CREB3L2: variants seen among roughly 807,000 people sequenced by gnomAD.
The protein encoded by CREB3L2 is cyclic AMP-responsive element-binding protein 3-like protein 2.
CREB3L2 carries 23 observed loss-of-function variants against 57.2 expected under a neutral mutation model. The ratio of observed to expected loss-of-function variants is 0.40; its 90% CI spans 0.29 to 0.57. The LOEUF is 0.57. Among genes scored for constraint, CREB3L2 ranks in the 20% least tolerant of loss-of-function variants. The pLI is 0.42. For missense variants in CREB3L2, 628 were observed against 634.7 expected, an observed-to-expected ratio of 0.99 and a Z score of 0.11; for synonymous variants, 268 against 265.1, an observed-to-expected ratio of 1.01 and a Z score of -0.11.
Position 137,879,664 on chromosome 7 carries a change from A to C in CREB3L2, c.*812T>G. 1 of 239,868 alleles carries C rather than the reference A, an allele frequency of 4.2e-6. No homozygotes were observed. The allele number at this position is 239,868 out of a possible 1,614,324, so 14.9% of individuals were successfully genotyped here. ...TGCCCTCCTAGCTCTGAAGGCTCGC[A>C]GAAAACTTGGCTAGCTTGAAAGGAG... is the stretch of plus-strand genomic sequence containing the variant. On this transcript the variant is annotated 3_prime_UTR_variant, in exon 12 of 12. Coordinates refer to ENST00000330387, the MANE Select transcript of CREB3L2 (RefSeq NM_194071.4).
intron 1 of CREB3L2, chr7:137,933,685 A>T (rs12533090): frequency 0.091 from 13,872 of 152,240 alleles, 932 homozygotes; most frequent in Admixed American, 0.22. Context: ...ACCCACCCAC[A>T]CCCAAGAATT....
chr7:137,989,308 G>C (rs1287143419), intron 1 of CREB3L2, among the ~76,000 whole-genome samples: 2 of 152,044 alleles, frequency 1.3e-5, no homozygotes, highest in Non-Finnish European at 2.9e-5. Context: ...TAACATGCTA[G>C]TAAGTCCTCA....
Position 137,880,479 on chromosome 7 carries a change from G to C in CREB3L2, c.1560C>G (p.Phe520Leu). ...GGAGGGGGTGCAGGCAGCCTCTTTA[G>C]AAAGTGGTGTTCACTCTTCTGTCGA... ...VELDRRVNTT[F>L] The change falls in exon 12 of 12, where the codon TTC becomes TTG. Residue 520 changes from phenylalanine (F) to leucine (L), a missense_variant. Phe to Leu is a conservative substitution (Grantham distance 22, BLOSUM62 0). Coordinates refer to ENST00000330387, the MANE Select transcript of CREB3L2 (RefSeq NM_194071.4). The surrounding 1 kb of genome is among the most constrained non-coding windows in gnomAD (Gnocchi z 4.0). 6.2e-7 allele frequency: 1 copy of C among 1,612,664 alleles called. No homozygotes were observed. The highest frequency in any genetic ancestry group is 8.5e-7 in the Non-Finnish European group (1 of 1,178,980).
intron 2 of CREB3L2, among the ~76,000 whole-genome samples, chr7:137,924,204 C>T (rs868109606): frequency 4.6e-5 from 7 of 152,032 alleles, no homozygotes; most frequent in South Asian, 2.1e-4. Context: ...GCCATAGTCA[C>T]GGTCCTTTGT....
intron 1 of CREB3L2, among the ~76,000 whole-genome samples, chr7:137,998,660 A>T (rs1482571334): frequency 6.6e-6 from 1 of 152,258 alleles, no homozygotes; most frequent in East Asian, 1.9e-4. Context: ...AAGTAATAAA[A>T]ATGGCTCATT....
intron 6 of CREB3L2, 53 bp downstream of exon 6, chr7:137,905,649 G>T: frequency 1.9e-6 from 3 of 1,591,528 alleles, no homozygotes; most frequent in South Asian, 1.1e-5. Context: ...AAGGGATGCT[G>T]ACTCGATTCT....
At chr7:137,930,923 CT>C (rs1251395118) in intron 1 of CREB3L2, among the ~76,000 whole-genome samples, 2 of 106,210 alleles carry the variant, frequency 1.9e-5, no homozygotes, top group African/African-American at 6.0e-5. Context: ...GTAGTCATTC[CT>C]TTTAAAAAAA....
intron 1 of CREB3L2, 152 bp from the exon 2 acceptor site, chr7:137,928,518 C>T (rs376990494): frequency 1.5e-6 from 1 of 687,920 alleles, no homozygotes; most frequent in South Asian, 1.6e-5. Flanking sequence ...AGCAAACCAC[C>T]CCAATGTTTA....
intron 1 of CREB3L2, among the ~76,000 whole-genome samples, chr7:137,969,440 G>C (rs567370761): frequency 6.7e-6 from 1 of 148,828 alleles, no homozygotes; most frequent in African/African-American, 2.5e-5. Context: ...TTCGCCTCCC[G>C]GGTTCATGCC....
At chr7:137,919,372 A>C (rs967455451) in intron 2 of CREB3L2, among the ~76,000 whole-genome samples, 1 of 152,066 alleles carries the variant, frequency 6.6e-6, no homozygotes, top group Non-Finnish European at 1.5e-5. Flanking sequence ...GGGTTTCACC[A>C]TGTTGGCTAG....
chr7:137,880,000 TTC>T lies in CREB3L2; in HGVS notation c.*474_*475del, dbSNP rs1799256465. The T allele has an allele frequency of 4.1e-6, 1 of 244,530 alleles. No individual in the cohort carries two copies. Among genetic ancestry groups the T allele is most frequent in the African/African-American group, 2.2e-5 (1 of 45,476 alleles). The allele number at this position is 244,530 out of a possible 1,614,324, so 15.1% of individuals were successfully genotyped here. On this transcript the variant is annotated 3_prime_UTR_variant, in exon 12 of 12. Transcript: ENST00000330387. The stretch of plus-strand genomic sequence containing the variant: ...GGGCGGAGGGCTGCTGTCGGGGGTG[TTC>T]ACACCAGAGACCCCAGTGCGAGCAA...
intron 8 of CREB3L2, among the ~76,000 whole-genome samples, chr7:137,899,061 G>A (rs1228805776): frequency 7.3e-6 from 1 of 137,228 alleles, no homozygotes; most frequent in Non-Finnish European, 1.5e-5. Context: ...GAAAGAAAAA[G>A]AAAGAGAAAG....
intron 4 of CREB3L2, among the ~76,000 whole-genome samples, chr7:137,909,332 A>G (rs1399113159): frequency 6.6e-6 from 1 of 152,178 alleles, no homozygotes; most frequent in African/African-American, 2.4e-5. Context: ...GCCAGGGCCT[A>G]TGGAGCCTTG....
rs1262382243 is a variant in CREB3L2, at chr7:137,876,319, G to A, written c.*4157C>T. ...TTAAGGCACAAATGAGCATGTAAGG[G>A]AGGAATGTGCACGTGTGTGTGTGTG... is the stretch of plus-strand genomic sequence containing the variant. On this transcript the variant is annotated 3_prime_UTR_variant, in exon 12 of 12. Coordinates refer to ENST00000330387, the MANE Select transcript of CREB3L2 (RefSeq NM_194071.4). The A allele has an allele frequency of 3.9e-5, 9 of 227,988 alleles. No individual in the cohort carries two copies. In the Admixed American group the frequency reaches 5.2e-4, roughly 13 times the overall value. The allele number at this position is 227,988 out of a possible 1,614,324, so 14.1% of individuals were successfully genotyped here. A position where few individuals can be genotyped will look rare whatever the true frequency, so the allele number is the denominator to read the frequency against.
chr7:137,909,499 G>A lies in CREB3L2; in HGVS notation c.584-1063C>T, dbSNP rs547879469. Among the ~76,000 whole-genome samples the A allele has an allele frequency of 3.3e-5, 5 of 152,322 alleles. No homozygotes were observed. The South Asian group carries it at 1.0e-3, about 32-fold the overall frequency. On this transcript the variant is annotated intron_variant, in intron 4 of 11. Transcript: ENST00000330387. ...ACCAGCCACTGCTACTGAGCCAAGG[G>A]AGATAACTGCAGGTAAACGCTTCAC...
At chr7:137,896,208 G>A (rs1799625517) in intron 8 of CREB3L2, among the ~76,000 whole-genome samples, 2 of 152,242 alleles carry the variant, frequency 1.3e-5, no homozygotes, top group Admixed American at 1.3e-4. Flanking sequence ...GGGAAGAGCA[G>A]TTAGAGGAAC....
chr7:137,907,787 A>G (rs1390919773), intron 5 of CREB3L2, among the ~76,000 whole-genome samples: 1 of 152,262 alleles, frequency 6.6e-6, no homozygotes, highest in East Asian at 1.9e-4. Flanking sequence ...TATGACACAC[A>G]GAAAAGGCTT....
intron 1 of CREB3L2, among the ~76,000 whole-genome samples, chr7:137,976,719 A>G (rs1394506194): frequency 6.6e-6 from 1 of 152,230 alleles, no homozygotes; most frequent in Non-Finnish European, 1.5e-5. Context: ...CCCCACCTCC[A>G]GACATTTTAA....
chr7:137,973,075 A>G (rs57409151), intron 1 of CREB3L2, among the ~76,000 whole-genome samples: 15,647 of 151,800 alleles, frequency 0.1, 1,860 homozygotes, highest in African/African-American at 0.29. Flanking sequence ...TTGAAGAAAT[A>G]GCATATCTAG....
Sources: allele counts gnomAD v4.1 joint callset (sites outside exome capture counted in the v4.1 genomes callset), GRCh38; gene constraint gnomAD v4.1.1; non-coding constraint Gnocchi (gnomAD v3.1); transcripts MANE v1.5; gene names NCBI Gene and HGNC (gene_info 2026-07-23, HGNC 2026-07-21).